MRTFA: variants seen among roughly 807,000 people sequenced by gnomAD.
MRTFA encodes myocardin-related transcription factor A.
In MRTFA, 20 loss-of-function variants were observed where a neutral mutation model predicts 83.5. That is an observed-to-expected ratio of 0.24 (90% CI 0.17 to 0.35). MRTFA has a LOEUF of 0.35. Ranked by LOEUF, MRTFA falls within the 10% of genes least tolerant of loss-of-function variation. The probability of loss-of-function intolerance (pLI) is 1.00; values close to 1 mark genes in which losing one functional copy is unlikely to be tolerated. For missense variants in MRTFA, 1,200 were observed against 1,224.7 expected, an observed-to-expected ratio of 0.98 and a Z score of 0.30; for synonymous variants, 659 against 541.2, an observed-to-expected ratio of 1.22 and a Z score of -3.02.
At chr22:40,462,463 T>TA (rs1265148985) in intron 4 of MRTFA, among the ~76,000 whole-genome samples, 1 of 152,204 alleles carries the variant, frequency 6.6e-6, no homozygotes, top group Non-Finnish European at 1.5e-5. Context: ...TTTTTTGACT[T>TA]ACAGTGTATC....
intron 4 of MRTFA, among the ~76,000 whole-genome samples, chr22:40,440,121 C>G (rs576562665): frequency 1.4e-5 from 2 of 142,162 alleles, no homozygotes; most frequent in African/African-American, 5.3e-5. Context: ...CACTGCACTC[C>G]AGCCTGGGTG....
intron 4 of MRTFA, among the ~76,000 whole-genome samples, chr22:40,454,693 G>T (rs2053552386): frequency 6.6e-6 from 1 of 152,140 alleles, no homozygotes; most frequent in Admixed American, 6.5e-5. Flanking sequence ...ATGAAACTGG[G>T]AGTTCAGAAA....
chr22:40,479,408 TCCGCTGCTGCTGG>T (rs1173696049), intron 3 of MRTFA, among the ~76,000 whole-genome samples: 1 of 152,138 alleles, frequency 6.6e-6, no homozygotes, highest in African/African-American at 2.4e-5. Flanking sequence ...ATCTGGGGCA[TCCGCTGCTGCTGG>T]CCGGCCTTTC....
Position 40,573,929 on chromosome 22 carries a change from T to A in MRTFA, c.-22+20745A>T, listed in dbSNP as rs1001829174. Among the ~76,000 whole-genome samples, 30 of 152,176 alleles carry A rather than the reference T, an allele frequency of 2.0e-4. No homozygotes were observed. In the South Asian group the frequency reaches 2.5e-3, roughly 13 times the overall value. On this transcript the variant is annotated intron_variant, in intron 2 of 14. Coordinates refer to ENST00000355630, the MANE Select transcript of MRTFA (RefSeq NM_020831.6). ...GCATCAAGGATATTTTTATTTTTTTTATAGAGATGTGAATCTCACTATGTT... is the reference window on the plus strand; with the variant it reads ...GCATCAAGGATATTTTTATTTTTTTAATAGAGATGTGAATCTCACTATGTT...
At position 40,490,024 on chromosome 22, in the gene MRTFA, C is replaced by G. The variant is rs1402552500; in HGVS notation, c.242-26738G>C. ...GTAGTTAATTGCTTAGGGTAGTTAT[C>G]TAACATTACCATTCTGATCCTACTT... On this transcript the variant is annotated intron_variant, in intron 3 of 14. Coordinates refer to ENST00000355630, the MANE Select transcript of MRTFA (RefSeq NM_020831.6). Among the ~76,000 whole-genome samples the G allele has an allele frequency of 2.7e-5, 4 of 149,184 alleles. No homozygotes were observed. In the South Asian group the frequency reaches 8.4e-4, roughly 31 times the overall value.
chr22:40,417,794 C>G (rs2052718138), intron 12 of MRTFA: 2 of 380,766 alleles, frequency 5.3e-6, no homozygotes, highest in Non-Finnish European at 9.6e-6. Context: ...TGCTCAGGGA[C>G]CCCTGTCTCC....
chr22:40,429,392 T>C lies in MRTFA; in HGVS notation c.601+214A>G. ...AGGCCTCTGTTATTATTTATTGTTGTATGTCCCTGTTTCTTAAAGCAACAG... is the reference window on the plus strand; with the variant it reads ...AGGCCTCTGTTATTATTTATTGTTGCATGTCCCTGTTTCTTAAAGCAACAG... On this transcript the variant is annotated intron_variant, in intron 7 of 14. Transcript: ENST00000355630. 3 of 690,558 alleles carry C rather than the reference T, an allele frequency of 4.3e-6. No homozygotes were observed. In the East Asian group the frequency reaches 8.1e-5, roughly 19 times the overall value. 42.8% of individuals were successfully genotyped at this position (690,558 alleles called of 1,614,324 possible). A position where few individuals can be genotyped will look rare whatever the true frequency, so the allele number is the denominator to read the frequency against.
chr22:40,536,917 C>T (rs1303735669), intron 3 of MRTFA, among the ~76,000 whole-genome samples: 11 of 83,630 alleles, frequency 1.3e-4, no homozygotes, highest in Non-Finnish European at 2.5e-4. Context: ...GCAGCCGCCC[C>T]GTCTGAGAAG....
intron 3 of MRTFA, among the ~76,000 whole-genome samples, chr22:40,511,515 G>C (rs1221684629): frequency 6.6e-6 from 1 of 152,160 alleles, no homozygotes; most frequent in Non-Finnish European, 1.5e-5. Context: ...TTCCTATTTG[G>C]AGGAAATTCT....
At chr22:40,584,207 A>C (rs948672248) in intron 2 of MRTFA, among the ~76,000 whole-genome samples, 1 of 152,218 alleles carries the variant, frequency 6.6e-6, no homozygotes, top group Non-Finnish European at 1.5e-5. Context: ...GATTTGAAGA[A>C]ATCTAAAGTG....
At chr22:40,464,912 T>C (rs963036580) in intron 3 of MRTFA, among the ~76,000 whole-genome samples, 3 of 152,194 alleles carry the variant, frequency 2.0e-5, no homozygotes, top group African/African-American at 7.2e-5. Flanking sequence ...TCCCCTCTTA[T>C]CAATTTTACC....
At chr22:40,542,317 C>T (rs1815299403) in intron 3 of MRTFA, among the ~76,000 whole-genome samples, 2 of 152,200 alleles carry the variant, frequency 1.3e-5, no homozygotes, top group African/African-American at 4.8e-5. Flanking sequence ...GCCTTCCCTA[C>T]ATGAAAACCC....
At chr22:40,546,661 G>C (rs983889310) in intron 3 of MRTFA, among the ~76,000 whole-genome samples, 2 of 152,190 alleles carry the variant, frequency 1.3e-5, no homozygotes, top group Non-Finnish European at 2.9e-5. Context: ...TCTTTCAGGA[G>C]CTTAAACACT....
At chr22:40,520,305 A>G (rs2054843029) in intron 3 of MRTFA, among the ~76,000 whole-genome samples, 1 of 152,226 alleles carries the variant, frequency 6.6e-6, no homozygotes, top group African/African-American at 2.4e-5. Flanking sequence ...ATCCATCAGC[A>G]GTCACTCTCC....
intron 2 of MRTFA, among the ~76,000 whole-genome samples, chr22:40,565,100 TG>T (rs2055683801): frequency 6.6e-6 from 1 of 152,174 alleles, no homozygotes; most frequent in African/African-American, 2.4e-5. Flanking sequence ...AAGTAAAATA[TG>T]TATTTTATAC....
At chr22:40,549,029 C>T (rs1234233173) in intron 3 of MRTFA, among the ~76,000 whole-genome samples, 1 of 152,010 alleles carries the variant, frequency 6.6e-6, no homozygotes, top group Non-Finnish European at 1.5e-5. Context: ...TAGGAAGACT[C>T]AATATTTAAA....
At chr22:40,501,551 G>A (rs2054476304) in intron 3 of MRTFA, among the ~76,000 whole-genome samples, 1 of 146 alleles carries the variant, frequency 6.8e-3, no homozygotes, top group African/African-American at 0.05. Context: ...CGGGCGGGGG[G>A]CTGACCCCCC....
intron 3 of MRTFA, among the ~76,000 whole-genome samples, chr22:40,509,510 G>C (rs1312193792): frequency 6.6e-6 from 1 of 152,200 alleles, no homozygotes; most frequent in Non-Finnish European, 1.5e-5. Flanking sequence ...CTAAGTGAGA[G>C]TTTCTAAACT....
At chr22:40,429,310 C>G (rs1216639281) in intron 7 of MRTFA, 16 of 610,810 alleles carry the variant, frequency 2.6e-5, no homozygotes, top group Admixed American at 1.1e-4. Flanking sequence ...TGACATCTAT[C>G]TACTCTGTGA....
Sources: gnomAD v4.1 joint callset for allele counts (sites outside exome capture counted in the v4.1 genomes callset) on GRCh38, gnomAD v4.1.1 for gene constraint, MANE v1.5 for transcripts, NCBI Gene and HGNC (gene_info 2026-07-23, HGNC 2026-07-21) for gene names.